Variants in DCAF6 observed in about 807,000 individuals in gnomAD.
DCAF6 encodes the protein DDB1 and CUL4 associated factor 6, also known as DDB1- and CUL4-associated factor 6.
Under a neutral mutation model 125.1 loss-of-function variants are expected in DCAF6, and 54 were observed. The ratio of observed to expected loss-of-function variants is 0.43; its 90% CI spans 0.35 to 0.54. The LOEUF (loss-of-function observed/expected upper bound fraction) is 0.54, where lower values mean the gene tolerates loss of function less well. Among genes scored for constraint, DCAF6 ranks in the 20% least tolerant of loss-of-function variants. The pLI is 0.01. For missense variants in DCAF6, 934 were observed against 1,161.7 expected, an observed-to-expected ratio of 0.80 and a Z score of 2.85; for synonymous variants, 371 against 390.4, an observed-to-expected ratio of 0.95 and a Z score of 0.58.
At chr1:167,971,801 TC>T (rs1677349246) in intron 3 of DCAF6, among the ~76,000 whole-genome samples, 1 of 152,174 alleles carries the variant, frequency 6.6e-6, no homozygotes, top group South Asian at 2.1e-4. Flanking sequence ...AATGCATTGA[TC>T]CAAGGAAAGC....
chr1:168,057,734 C>T (rs1460994395), intron 17 of DCAF6, among the ~76,000 whole-genome samples: 1 of 152,114 alleles, frequency 6.6e-6, no homozygotes, highest in Non-Finnish European at 1.5e-5. Flanking sequence ...CAGGGCTTTG[C>T]AGGGCTTTGA....
At chr1:167,971,418 T>A (rs917319993) in intron 3 of DCAF6, among the ~76,000 whole-genome samples, 2 of 152,192 alleles carry the variant, frequency 1.3e-5, no homozygotes, top group African/African-American at 4.8e-5. Flanking sequence ...GCCCACTAAG[T>A]CTTAGTAAAA....
the DCAF6 span, chr1:167,916,755 T>A: frequency 6.6e-6 from 1 of 152,240 alleles, no homozygotes; most frequent in Non-Finnish European, 1.5e-5. Context: ...TAAACTTTTT[T>A]GTGTCTATGT....
intron 10 of DCAF6, among the ~76,000 whole-genome samples, chr1:168,011,054 C>G (rs1684206620): frequency 6.6e-6 from 1 of 151,268 alleles, no homozygotes; most frequent in Admixed American, 6.6e-5. Flanking sequence ...AGAAGTGAAT[C>G]ACTTAAAGCT....
chr1:167,937,045 C>T (rs773533764), intron 1 of DCAF6, 37 bp downstream of exon 1: 7 of 1,556,254 alleles, frequency 4.5e-6, no homozygotes, highest in South Asian at 2.3e-5. Flanking sequence ...GCTGAGGTCG[C>T]CGCCTAGAGT....
intron 17 of DCAF6, among the ~76,000 whole-genome samples, chr1:168,060,694 C>T (rs1186410142): frequency 1.3e-5 from 2 of 152,072 alleles, no homozygotes; most frequent in East Asian, 3.9e-4. Flanking sequence ...GAGTCCAAGA[C>T]CAGCCTGGTC....
chr1:167,957,504 G>C (rs1245833491), intron 2 of DCAF6, among the ~76,000 whole-genome samples: 1 of 152,068 alleles, frequency 6.6e-6, no homozygotes, highest in Non-Finnish European at 1.5e-5. Flanking sequence ...TCATTGTACA[G>C]ATATACCACA....
intron 2 of DCAF6, among the ~76,000 whole-genome samples, chr1:167,952,636 G>A (rs913428476): frequency 4.6e-5 from 7 of 151,940 alleles, no homozygotes; most frequent in Non-Finnish European, 5.9e-5. Flanking sequence ...TGACTCCTCC[G>A]CATATGTTCC....
chr1:168,015,344 A>G (rs1012839490), intron 10 of DCAF6, among the ~76,000 whole-genome samples: 8 of 152,286 alleles, frequency 5.3e-5, no homozygotes, highest in Admixed American at 1.3e-4. Context: ...TTCTAAATGC[A>G]TAAGTTTTTA....
intron 1 of DCAF6, among the ~76,000 whole-genome samples, 200 bp from the exon 2 acceptor site, chr1:167,951,600 G>T (rs970683266): frequency 6.6e-6 from 1 of 152,014 alleles, no homozygotes; most frequent in African/African-American, 2.4e-5. Context: ...AAAAAACTGC[G>T]TGAGGTAGAG....
chr1:167,959,831 G>T (rs1050841036), intron 2 of DCAF6, among the ~76,000 whole-genome samples: 1 of 152,044 alleles, frequency 6.6e-6, no homozygotes, highest in African/African-American at 2.4e-5. Context: ...TCTTGACATT[G>T]TCTTTTGCAG....
At chr1:168,025,835 A>G (rs559817349) in intron 12 of DCAF6, among the ~76,000 whole-genome samples, 45 of 152,298 alleles carry the variant, frequency 3.0e-4, no homozygotes, top group African/African-American at 1.0e-3. Context: ...ATTACTTCCC[A>G]TAGCCTTTCA....
intron 4 of DCAF6, among the ~76,000 whole-genome samples, chr1:167,984,271 C>T (rs1679622681): frequency 6.6e-6 from 1 of 152,196 alleles, no homozygotes; most frequent in South Asian, 2.1e-4. Context: ...AACATTCTTA[C>T]ACTTTTCCCC....
the DCAF6 span, chr1:167,896,795 G>T: frequency 1.3e-6 from 1 of 795,622 alleles, no homozygotes; most frequent in Non-Finnish European, 2.2e-6. Flanking sequence ...ACTGAACAGT[G>T]ATTGGCACAC....
chr1:167,905,924 T>G, the DCAF6 span, among the ~76,000 whole-genome samples: 1 of 152,228 alleles, frequency 6.6e-6, no homozygotes, highest in Non-Finnish European at 1.5e-5. Flanking sequence ...AAAATCATGC[T>G]CTACCAGCCT....
At position 167,936,903 on chromosome 1, in the gene DCAF6, G is replaced by A. The variant is rs757463143; in HGVS notation, c.-9G>A. ...GTGGTCTCCCCTCCCACCCGGCTCA[G>A]GCAGAGCCATGTCTCGGGGTGGCTC... On this transcript the variant is annotated 5_prime_UTR_variant, in exon 1 of 22. Coordinates refer to ENST00000367840, the MANE Select transcript of DCAF6 (RefSeq NM_001198956.2). 7 of 1,592,992 alleles carry A rather than the reference G, an allele frequency of 4.4e-6. No homozygotes were observed. Among genetic ancestry groups the A allele is most frequent in the Non-Finnish European group, 5.1e-6 (6 of 1,171,064 alleles).
intron 6 of DCAF6, among the ~76,000 whole-genome samples, chr1:167,992,686 C>T (rs1430433701): frequency 6.6e-6 from 1 of 152,120 alleles, no homozygotes; most frequent in African/African-American, 2.4e-5. Context: ...AGTTGTACAC[C>T]TATCTGTCAT....
the DCAF6 span, chr1:167,904,811 G>A: frequency 1.4e-6 from 1 of 739,736 alleles, no homozygotes; most frequent in Middle Eastern, 3.0e-4. Context: ...AGTAAGGGAG[G>A]ATGAGAGAGA....
chr1:167,969,022 A>C (rs1023915993), intron 3 of DCAF6, among the ~76,000 whole-genome samples: 1 of 152,198 alleles, frequency 6.6e-6, no homozygotes, highest in Non-Finnish European at 1.5e-5. Context: ...TATGATTACT[A>C]TAATGGCAAA....
Sources: allele counts gnomAD v4.1 joint callset (sites outside exome capture counted in the v4.1 genomes callset), GRCh38; gene constraint gnomAD v4.1.1; transcripts MANE v1.5; gene names NCBI Gene and HGNC (gene_info 2026-07-23, HGNC 2026-07-21).